The following TXNDC9 variants were observed in gnomAD, a reference collection of about 807,000 sequenced individuals.
TXNDC9 encodes the protein thioredoxin domain containing 9.
Under a neutral mutation model 23.0 loss-of-function variants are expected in TXNDC9, and 7 were observed. That is an observed-to-expected ratio of 0.30 (90% CI 0.17 to 0.57). TXNDC9 has a LOEUF of 0.57. TXNDC9 is among the 20% of genes least tolerant of loss of function. The probability of loss-of-function intolerance (pLI) is 0.90; values close to 1 mark genes in which losing one functional copy is unlikely to be tolerated. For synonymous variants in TXNDC9, 72 were observed against 90.6 expected, an observed-to-expected ratio of 0.79 and a Z score of 1.17; for missense variants, 198 against 252.6, an observed-to-expected ratio of 0.78 and a Z score of 1.47.
At chr2:99,325,761 A>G (rs2094211631) in intron 3 of TXNDC9, among the ~76,000 whole-genome samples, 2 of 152,118 alleles carry the variant, frequency 1.3e-5, no homozygotes, top group Non-Finnish European at 2.9e-5. Context: ...TTGTAATCCC[A>G]ACACTTTGGG....
At chr2:99,326,377 C>A (rs1435685034) in intron 3 of TXNDC9, among the ~76,000 whole-genome samples, 1 of 152,220 alleles carries the variant, frequency 6.6e-6, no homozygotes, top group African/African-American at 2.4e-5. Flanking sequence ...GAGAGCAGGG[C>A]TGAAACCACA....
downstream of TXNDC9, among the ~76,000 whole-genome samples, chr2:99,314,757 C>A (rs536462120): frequency 2.7e-4 from 41 of 151,706 alleles, no homozygotes; most frequent in Middle Eastern, 0.01. Flanking sequence ...TTATTATAAT[C>A]ATCCTGGCTG....
At chr2:99,312,756 A>G in the TXNDC9 span, among the ~76,000 whole-genome samples, 6 of 152,224 alleles carry the variant, frequency 3.9e-5, no homozygotes, top group African/African-American at 1.4e-4. Context: ...ATCTGTGGAG[A>G]TGAGACTAGA....
chr2:99,316,111 CTTTTTCTT>C (rs1228987999), downstream of TXNDC9, among the ~76,000 whole-genome samples: 25 of 67,422 alleles, frequency 3.7e-4, no homozygotes, highest in Admixed American at 2.5e-3. Context: ...CTTTGCATTT[CTTTTTCTT>C]TTTTTTTTTT....
intron 4 of TXNDC9, among the ~76,000 whole-genome samples, chr2:99,320,596 T>C (rs13384665): frequency 0.034 from 5,115 of 152,310 alleles, 182 homozygotes; most frequent in South Asian, 0.16. Flanking sequence ...TGCTGCATTT[T>C]TGGTATGAAG....
chr2:99,318,874 C>A (rs531876305), downstream of TXNDC9: 6 of 152,316 alleles, frequency 3.9e-5, no homozygotes, highest in African/African-American at 1.4e-4. Context: ...TCTACTCTTC[C>A]AGAGGAGAAA....
intron 4 of TXNDC9, 47 bp downstream of exon 4, chr2:99,321,908 C>A: frequency 2.7e-6 from 4 of 1,470,196 alleles, no homozygotes; most frequent in South Asian, 1.4e-5. Context: ...GTAAAAATAT[C>A]AACTATATAT....
chr2:99,324,614 C>T (rs11674219), intron 3 of TXNDC9, among the ~76,000 whole-genome samples: 1 of 151,930 alleles, frequency 6.6e-6, no homozygotes, highest in Non-Finnish European at 1.5e-5. Context: ...CGCTCTGTCG[C>T]CCAGGCTAGA....
intron 4 of TXNDC9, among the ~76,000 whole-genome samples, chr2:99,320,044 G>A (rs928412679): frequency 6.6e-6 from 1 of 152,146 alleles, no homozygotes; most frequent in African/African-American, 2.4e-5. Context: ...GTCTCACTCT[G>A]TGGCCCAGGC....
rs1166287049 is a variant in TXNDC9, at chr2:99,326,683, T to C, written c.308+852A>G. ...AAGAGATCTGCTTCCTTAGAGAAAT[T>C]TGGAGACCTAGGGTGGTCTAAGAAA... On this transcript the variant is annotated intron_variant, in intron 3 of 4. Transcript: ENST00000264255. 3.9e-5 allele frequency among the ~76,000 whole-genome samples: 6 copies of C among 152,174 alleles called. No individual in the cohort carries two copies. In the South Asian group the frequency reaches 6.2e-4, roughly 16 times the overall value.
intron 2 of TXNDC9, among the ~76,000 whole-genome samples, chr2:99,330,661 G>A (rs1229463776): frequency 6.6e-6 from 1 of 152,188 alleles, no homozygotes; most frequent in Non-Finnish European, 1.5e-5. Flanking sequence ...AAGTGTGCCA[G>A]CTCTAGTTAA....
chr2:99,315,030 G>A (rs1326213763), downstream of TXNDC9, among the ~76,000 whole-genome samples: 4 of 148,884 alleles, frequency 2.7e-5, no homozygotes, highest in Admixed American at 2.7e-4. Context: ...CGAGTAGCTG[G>A]GACTACAGGC....
At chr2:99,327,682 C>G (rs2094215696) in intron 2 of TXNDC9, 29 bp from the exon 3 acceptor site, 1 of 1,373,230 alleles carries the variant, frequency 7.3e-7, no homozygotes, top group Non-Finnish European at 1.0e-6. Context: ...AAACATTACA[C>G]ATGTGAGATA....
chr2:99,324,378 T>G (rs2094208955), intron 3 of TXNDC9, among the ~76,000 whole-genome samples: 1 of 152,180 alleles, frequency 6.6e-6, no homozygotes, highest in Admixed American at 6.5e-5. Context: ...GCCTCATCAC[T>G]TTTTCCCCGG....
rs1219577740 is a variant in TXNDC9 at position 99,319,082 on chromosome 2, A to G, written c.*600T>C. On this transcript the variant is annotated 3_prime_UTR_variant, in exon 5 of 5. Transcript: ENST00000264255. ...GTGAAGTTCCTTATGCTGTTATTTC[A>G]AAAGTGTTTCCTGGTTTCTTTTTAA... 6.6e-6 allele frequency: 1 copy of G among 152,232 alleles called. No homozygotes were observed. Among genetic ancestry groups the G allele is most frequent in the Non-Finnish European group, 1.5e-5 (1 of 68,054 alleles). 9.4% of individuals were successfully genotyped at this position (152,232 alleles called of 1,614,324 possible). A position where few individuals can be genotyped will look rare whatever the true frequency, so the allele number is the denominator to read the frequency against.
At chr2:99,328,257 C>G (rs1445447790) in intron 2 of TXNDC9, among the ~76,000 whole-genome samples, 1 of 97,384 alleles carries the variant, frequency 1.0e-5, no homozygotes, top group Non-Finnish European at 2.2e-5. Flanking sequence ...CACACCACGC[C>G]TGGCATTTTT....
chr2:99,308,325 G>A, the TXNDC9 span, among the ~76,000 whole-genome samples: 1 of 152,078 alleles, frequency 6.6e-6, no homozygotes. Flanking sequence ...CAAATTCAGT[G>A]AATAGGTATT....
At chr2:99,322,265 A>T (rs1328231876) in intron 3 of TXNDC9, 56 bp from the exon 4 acceptor site, 1 of 1,558,342 alleles carries the variant, frequency 6.4e-7, no homozygotes, top group African/African-American at 1.4e-5. Context: ...CGCTTTTTTC[A>T]AAATAAATAT....
intron 3 of TXNDC9, among the ~76,000 whole-genome samples, chr2:99,322,896 G>A (rs1486605546): frequency 6.6e-6 from 1 of 152,086 alleles, no homozygotes; most frequent in East Asian, 1.9e-4. Context: ...CAAGTAGCTG[G>A]GACTACAGGC....
Sources: allele counts gnomAD v4.1 joint callset (sites outside exome capture counted in the v4.1 genomes callset), GRCh38; gene constraint gnomAD v4.1.1; transcripts MANE v1.5; gene names NCBI Gene and HGNC (gene_info 2026-07-23, HGNC 2026-07-21).